Variants in ADARB2 observed in about 807,000 individuals in gnomAD.
The protein encoded by ADARB2 is adenosine deaminase RNA specific B2 (inactive), also known as inactive double-stranded RNA-specific editase B2.
ADARB2 carries 25 observed loss-of-function variants against 62.2 expected under a neutral mutation model. The observed-to-expected ratio is 0.40, with a 90% CI of 0.29 to 0.56. The LOEUF is 0.56. ADARB2 is among the 20% of genes least tolerant of loss of function. The probability of loss-of-function intolerance (pLI) is 0.43; values close to 1 mark genes in which losing one functional copy is unlikely to be tolerated. For synonymous variants in ADARB2, 572 were observed against 500.8 expected (o/e 1.14, Z -1.90); for missense variants, 1,071 against 1,077.4 (o/e 0.99, Z 0.08).
rs139122035 is a variant in ADARB2 at position 1,535,492 on chromosome 10, C to T, written c.101-156332G>A. The T allele has an allele frequency of 7.5e-3, 1,227 of 164,048 alleles. 9 individuals are homozygous for T. The highest frequency in any genetic ancestry group is 0.011 in the Non-Finnish European group (738 of 68,092). The allele number at this position is 164,048 out of a possible 1,614,324, so 10.2% of individuals were successfully genotyped here. The stretch of plus-strand genomic sequence containing the variant: ...TTACGGCTTCTGCAAATGACAGCCT[C>T]GGCGCTGCAAAGTAATTCCACACTG... On this transcript the variant is annotated intron_variant, in intron 1 of 9. Coordinates refer to ENST00000381312, the MANE Select transcript of ADARB2 (RefSeq NM_018702.4).
chr10:1,312,478 A>T (rs761432438), intron 3 of ADARB2, among the ~76,000 whole-genome samples: 1 of 152,138 alleles, frequency 6.6e-6, no homozygotes, highest in Non-Finnish European at 1.5e-5. Context: ...GATTTCAAAG[A>T]CCACCTGAAG....
At chr10:1,707,418 T>C (rs185023575) in intron 1 of ADARB2, among the ~76,000 whole-genome samples, 231 of 152,404 alleles carry the variant, frequency 1.5e-3, no homozygotes, top group African/African-American at 4.8e-3. Flanking sequence ...TCTTGATTTG[T>C]AGCGTCTTTG....
Position 1,307,170 on chromosome 10 carries a change from C to T in ADARB2, c.1078-36101G>A, listed in dbSNP as rs1312178460. Among the ~76,000 whole-genome samples, 73 of 102,594 alleles carry T rather than the reference C, an allele frequency of 7.1e-4. 1 individual carries two copies. Among genetic ancestry groups the T allele is most frequent in the Non-Finnish European group, 1.3e-3 (57 of 44,228 alleles). 67.3% of individuals were successfully genotyped at this position (102,594 alleles called of 152,430 possible). A position where few individuals can be genotyped will look rare whatever the true frequency, so the allele number is the denominator to read the frequency against. Reference sequence around the variant, plus strand: ...AACCTACAAAATGGGAGAAAATTTTCGCAACCTACGCATCTGACAAAGGGC... The same window carrying T: ...AACCTACAAAATGGGAGAAAATTTTTGCAACCTACGCATCTGACAAAGGGC... On this transcript the variant is annotated intron_variant, in intron 3 of 9. Coordinates refer to ENST00000381312, the MANE Select transcript of ADARB2 (RefSeq NM_018702.4).
chr10:1,220,418 G>A (rs886141322), intron 6 of ADARB2, among the ~76,000 whole-genome samples: 34 of 151,038 alleles, frequency 2.3e-4, no homozygotes, highest in Middle Eastern at 3.4e-3. Flanking sequence ...GATGATGGTC[G>A]TGATGGTGAT....
At chr10:1,305,823 G>T (rs1831621779) in intron 3 of ADARB2, among the ~76,000 whole-genome samples, 1 of 152,086 alleles carries the variant, frequency 6.6e-6, no homozygotes, top group Non-Finnish European at 1.5e-5. Flanking sequence ...CTCAATAGAT[G>T]CAGAAAAGGC....
At chr10:1,503,034 A>G (rs1046844442) in intron 1 of ADARB2, among the ~76,000 whole-genome samples, 4 of 152,238 alleles carry the variant, frequency 2.6e-5, no homozygotes, top group African/African-American at 9.6e-5. Flanking sequence ...TAGCAATGAG[A>G]TTAACCCTAA....
intron 2 of ADARB2, among the ~76,000 whole-genome samples, chr10:1,377,398 T>A (rs1024565795): frequency 7.1e-6 from 1 of 141,730 alleles, no homozygotes; most frequent in Non-Finnish European, 1.5e-5. Context: ...TGTGCGCTCC[T>A]GGGTTGTGTG....
intron 1 of ADARB2, among the ~76,000 whole-genome samples, chr10:1,423,483 G>T (rs534187029): frequency 6.6e-6 from 1 of 150,762 alleles, no homozygotes; most frequent in East Asian, 2.0e-4. Flanking sequence ...GTGCTAGGGG[G>T]ACTCAAAGGT....
intron 1 of ADARB2, among the ~76,000 whole-genome samples, chr10:1,727,177 C>T (rs959131951): frequency 1.3e-5 from 2 of 152,178 alleles, no homozygotes; most frequent in Non-Finnish European, 2.9e-5. Flanking sequence ...TCGTGGTATG[C>T]GGCGAGACAA....
At chr10:1,367,828 T>C (rs559828029) in intron 2 of ADARB2, among the ~76,000 whole-genome samples, 2 of 152,392 alleles carry the variant, frequency 1.3e-5, no homozygotes, top group Admixed American at 1.3e-4. Context: ...CAGCAACGCT[T>C]TGCCGCTAGC....
At chr10:1,533,579 A>G (rs1253315389) in intron 1 of ADARB2, among the ~76,000 whole-genome samples, 1 of 152,184 alleles carries the variant, frequency 6.6e-6, no homozygotes, top group Non-Finnish European at 1.5e-5. Flanking sequence ...TGACTCTGCG[A>G]TGCCTCCCAA....
At chr10:1,734,699 T>C (rs1275867694) in intron 1 of ADARB2, among the ~76,000 whole-genome samples, 1 of 152,238 alleles carries the variant, frequency 6.6e-6, no homozygotes, top group East Asian at 1.9e-4. Flanking sequence ...TGTGCTTCTG[T>C]CAGTGTCTTC....
chr10:1,249,612 T>C (rs1831017726), intron 4 of ADARB2, among the ~76,000 whole-genome samples: 1 of 146,258 alleles, frequency 6.8e-6, no homozygotes, highest in Admixed American at 6.7e-5. Context: ...GAATGTGATT[T>C]TATGCACACA....
At chr10:1,289,659 G>A (rs1268758779) in intron 3 of ADARB2, among the ~76,000 whole-genome samples, 1 of 152,262 alleles carries the variant, frequency 6.6e-6, no homozygotes, top group Non-Finnish European at 1.5e-5. Flanking sequence ...TGGCTCCGTG[G>A]CCAGGACCCG....
intron 1 of ADARB2, among the ~76,000 whole-genome samples, chr10:1,588,346 C>A (rs1378803885): frequency 6.6e-6 from 1 of 152,184 alleles, no homozygotes; most frequent in Non-Finnish European, 1.5e-5. Flanking sequence ...GCGGGTCCAA[C>A]AAGCCTGGAT....
chr10:1,609,038 C>T (rs531094112), intron 1 of ADARB2, among the ~76,000 whole-genome samples: 1 of 152,246 alleles, frequency 6.6e-6, no homozygotes, highest in East Asian at 1.9e-4. Context: ...AAGAAGGACC[C>T]GAAACGCCCA....
chr10:1,282,715 T>C (rs1324947785), intron 3 of ADARB2, among the ~76,000 whole-genome samples: 1 of 152,220 alleles, frequency 6.6e-6, no homozygotes, highest in Non-Finnish European at 1.5e-5. Flanking sequence ...TGCTCAAAAA[T>C]AAGCTTGTGC....
At position 1,686,097 on chromosome 10, in the gene ADARB2, G is replaced by A. The variant is rs1010940843; in HGVS notation, c.100+50954C>T. 9.0e-4 allele frequency among the ~76,000 whole-genome samples: 137 copies of A among 152,218 alleles called. 3 individuals carry two copies. The highest frequency in any genetic ancestry group is 2.1e-4 in the Non-Finnish European group (14 of 68,042). ...CCAAGTGAAATAAATCTTGGTATTT[G>A]AGGGCTATTAGGCTTTTCACCTGCT... On this transcript the variant is annotated intron_variant, in intron 1 of 9. Coordinates refer to ENST00000381312, the MANE Select transcript of ADARB2 (RefSeq NM_018702.4).
At chr10:1,533,187 C>T (rs1055888708) in intron 1 of ADARB2, among the ~76,000 whole-genome samples, 2 of 151,544 alleles carry the variant, frequency 1.3e-5, no homozygotes, top group East Asian at 1.9e-4. Context: ...GGGGTGATCT[C>T]GGCTCACTGC....
Sources: gnomAD v4.1 joint callset for allele counts (sites outside exome capture counted in the v4.1 genomes callset) on GRCh38, gnomAD v4.1.1 for gene constraint, MANE v1.5 for transcripts, NCBI Gene and HGNC (gene_info 2026-07-23, HGNC 2026-07-21) for gene names.